CSMD1: variants seen among roughly 807,000 people sequenced by gnomAD.
The protein encoded by CSMD1 is CUB and sushi domain-containing protein 1.
A neutral mutation model predicts 417.5 loss-of-function variants in CSMD1; 213 were observed. The observed-to-expected ratio is 0.51, with a 90% CI of 0.46 to 0.57. CSMD1 has a LOEUF of 0.57. CSMD1 is among the 20% of genes least tolerant of loss of function. CSMD1 has a pLI of 0.00. For synonymous variants in CSMD1, 2,862 were observed against 1,736.8 expected, an observed-to-expected ratio of 1.65 and a Z score of -16.11; for missense variants, 6,923 against 4,529.7, an observed-to-expected ratio of 1.53 and a Z score of -15.17.
intron 3 of CSMD1, among the ~76,000 whole-genome samples, chr8:4,407,226 T>C (rs1316147335): frequency 1.3e-5 from 2 of 152,212 alleles, no homozygotes; most frequent in African/African-American, 2.4e-5. Context: ...CCAGCTCTTC[T>C]ATGCCACAGG....
At chr8:4,068,029 C>T (rs375110774) in intron 3 of CSMD1, among the ~76,000 whole-genome samples, 31 of 151,752 alleles carry the variant, frequency 2.0e-4, no homozygotes, top group Non-Finnish European at 3.2e-4. Context: ...TGCAGTGAGC[C>T]GAGATCATGC....
intron 10 of CSMD1, among the ~76,000 whole-genome samples, chr8:3,499,330 T>A (rs1051082106): frequency 3.9e-5 from 6 of 152,148 alleles, no homozygotes; most frequent in Admixed American, 2.6e-4. Context: ...GGTTCAGCTC[T>A]AATGCAGATG....
At chr8:4,055,958 C>T (rs1324083672) in intron 3 of CSMD1, among the ~76,000 whole-genome samples, 1 of 152,060 alleles carries the variant, frequency 6.6e-6, no homozygotes, top group Admixed American at 6.6e-5. Flanking sequence ...AAATGAAACA[C>T]ACCCTACCTG....
intron 1 of CSMD1, among the ~76,000 whole-genome samples, chr8:4,717,467 T>G (rs971360048): frequency 6.6e-6 from 1 of 151,546 alleles, no homozygotes; most frequent in Non-Finnish European, 1.5e-5. Context: ...TATATATATA[T>G]ATACACACAC....
intron 3 of CSMD1, among the ~76,000 whole-genome samples, chr8:4,290,723 T>G (rs888643271): frequency 2.6e-5 from 4 of 152,220 alleles, no homozygotes; most frequent in African/African-American, 9.6e-5. Flanking sequence ...ATAATGTTCA[T>G]TAACTTTATC....
intron 7 of CSMD1, among the ~76,000 whole-genome samples, chr8:3,696,038 C>A (rs568489897): frequency 6.6e-6 from 1 of 151,926 alleles, no homozygotes; most frequent in Non-Finnish European, 1.5e-5. Flanking sequence ...TATTTGCACA[C>A]GTGCAAAAAA....
intron 2 of CSMD1, among the ~76,000 whole-genome samples, chr8:4,454,467 CTT>C (rs1799349609): frequency 1.3e-5 from 2 of 152,180 alleles, no homozygotes; most frequent in African/African-American, 2.4e-5. Context: ...AGTATAAACT[CTT>C]CAAGTATTTT....
chr8:4,440,006 C>T lies in CSMD1; in HGVS notation c.303-19941G>A, dbSNP rs552776099. Among the ~76,000 whole-genome samples the T allele has an allele frequency of 2.6e-5, 4 of 152,244 alleles. No individual in the cohort carries two copies. In the East Asian group the frequency reaches 7.7e-4, roughly 29 times the overall value. ...CCAGCCTAGACATGGGGGGTATACACTTAATTTTCCTAAGAGTTAAGAAGC... is the reference window on the plus strand; with the variant it reads ...CCAGCCTAGACATGGGGGGTATACATTTAATTTTCCTAAGAGTTAAGAAGC... On this transcript the variant is annotated intron_variant, in intron 2 of 69. Transcript: ENST00000635120.
At chr8:4,325,491 A>C (rs1423149871) in intron 3 of CSMD1, among the ~76,000 whole-genome samples, 1 of 152,170 alleles carries the variant, frequency 6.6e-6, no homozygotes, top group Non-Finnish European at 1.5e-5. Context: ...CTGTGGCTGA[A>C]GTTTGTCTGC....
chr8:4,825,529 A>C (rs1799774747), intron 1 of CSMD1, among the ~76,000 whole-genome samples: 1 of 152,054 alleles, frequency 6.6e-6, no homozygotes, highest in Non-Finnish European at 1.5e-5. Context: ...TGGTAAACAC[A>C]ATTCTACTCT....
intron 49 of CSMD1, among the ~76,000 whole-genome samples, chr8:3,078,337 G>A (rs1165173413): frequency 6.6e-6 from 1 of 152,188 alleles, no homozygotes; most frequent in Non-Finnish European, 1.5e-5. Flanking sequence ...GTTTTGGGAT[G>A]CTCGATGTGT....
At chr8:4,303,193 C>A (rs1355964507) in intron 3 of CSMD1, among the ~76,000 whole-genome samples, 1 of 152,080 alleles carries the variant, frequency 6.6e-6, no homozygotes, top group Admixed American at 6.6e-5. Flanking sequence ...GGGCTTGCAA[C>A]TGAGAATAAC....
At position 3,408,406 on chromosome 8, in the gene CSMD1, G is replaced by A. The variant is rs539061840; in HGVS notation, c.1745-181C>T. On this transcript the variant is annotated intron_variant, in intron 13 of 69. Coordinates refer to ENST00000635120, the MANE Select transcript of CSMD1 (RefSeq NM_033225.6). ...TTTCTCCTTTCCTAATTTGTAAGTC[G>A]AATATTTCATTATCATATAGAGCAC... Among the ~76,000 whole-genome samples the A allele has an allele frequency of 3.9e-5, 6 of 152,162 alleles. No homozygotes were observed. The South Asian group carries it at 6.2e-4, about 16-fold the overall frequency.
chr8:4,780,522 T>C (rs1346133912), intron 1 of CSMD1, among the ~76,000 whole-genome samples: 5 of 152,206 alleles, frequency 3.3e-5, no homozygotes, highest in African/African-American at 1.2e-4. Context: ...GAAACGAACC[T>C]GCCTTGATGT....
intron 3 of CSMD1, among the ~76,000 whole-genome samples, chr8:4,099,951 T>C (rs1489280044): frequency 1.3e-5 from 2 of 152,330 alleles, no homozygotes; most frequent in African/African-American, 4.8e-5. Context: ...TGAATAAAAA[T>C]ACTCATTTAT....
intron 23 of CSMD1, among the ~76,000 whole-genome samples, chr8:3,315,407 T>C (rs1053596380): frequency 6.6e-6 from 1 of 150,820 alleles, no homozygotes; most frequent in Non-Finnish European, 1.5e-5. Flanking sequence ...ACATCTCTCT[T>C]TATTCAAGAA....
At chr8:4,887,211 C>A (rs1803809271) in intron 1 of CSMD1, among the ~76,000 whole-genome samples, 1 of 152,002 alleles carries the variant, frequency 6.6e-6, no homozygotes, top group Non-Finnish European at 1.5e-5. Context: ...TTATAATTTA[C>A]ATTGTGATTA....
At chr8:3,791,542 G>A (rs1480879833) in intron 5 of CSMD1, among the ~76,000 whole-genome samples, 2 of 152,202 alleles carry the variant, frequency 1.3e-5, no homozygotes, top group African/African-American at 2.4e-5. Context: ...TACCTTAACA[G>A]GCCGGGCATG....
intron 5 of CSMD1, among the ~76,000 whole-genome samples, chr8:3,936,780 A>G (rs1158825131): frequency 1.3e-5 from 2 of 152,162 alleles, no homozygotes; most frequent in Non-Finnish European, 2.9e-5. Context: ...AAAACTTTTG[A>G]CTTTCAATTA....
Sources: allele counts gnomAD v4.1 joint callset (sites outside exome capture counted in the v4.1 genomes callset), GRCh38; gene constraint gnomAD v4.1.1; transcripts MANE v1.5; gene names NCBI Gene and HGNC (gene_info 2026-07-23, HGNC 2026-07-21).